CAMK2G: variants seen among roughly 807,000 people sequenced by gnomAD.
CAMK2G encodes the protein calcium/calmodulin-dependent protein kinase type II subunit gamma.
Under a neutral mutation model 88.7 loss-of-function variants are expected in CAMK2G, and 23 were observed. That is an observed-to-expected ratio of 0.26 (90% CI 0.19 to 0.37). The LOEUF is 0.37. Among genes scored for constraint, CAMK2G ranks in the 10% least tolerant of loss-of-function variants. The probability of loss-of-function intolerance (pLI) is 1.00; values close to 1 mark genes in which losing one functional copy is unlikely to be tolerated. For missense variants in CAMK2G, 476 were observed against 780.8 expected, an observed-to-expected ratio of 0.61 and a Z score of 4.65; for synonymous variants, 263 against 294.8, an observed-to-expected ratio of 0.89 and a Z score of 1.11.
chr10:73,835,555 T>C (rs1264549037), intron 14 of CAMK2G, among the ~76,000 whole-genome samples: 1 of 151,582 alleles, frequency 6.6e-6, no homozygotes, highest in Non-Finnish European at 1.5e-5. Flanking sequence ...CATCCCAAAA[T>C]GCTGGGATTA....
intron 14 of CAMK2G, chr10:73,837,128 A>G: frequency 3.4e-6 from 1 of 295,596 alleles, no homozygotes; most frequent in South Asian, 4.9e-5. Context: ...TCTAAAAAGG[A>G]AAAAAAGAAA....
chr10:73,841,691 G>T lies in CAMK2G; in HGVS notation c.946+478C>A, dbSNP rs150643943. On this transcript the variant is annotated intron_variant, in intron 12 of 22. Coordinates refer to ENST00000423381, the MANE Select transcript of CAMK2G (RefSeq NM_001367534.1). Reference sequence around the variant, plus strand: ...TTTTAAGCACAAGTCGCCACAAAAGGTTTAAACATCTGGAATAATTTCTAT... The same window carrying T: ...TTTTAAGCACAAGTCGCCACAAAAGTTTTAAACATCTGGAATAATTTCTAT... 55 of 161,652 alleles carry T rather than the reference G, an allele frequency of 3.4e-4. No homozygotes were observed. In the East Asian group the frequency reaches 8.9e-3, roughly 26 times the overall value. The allele number at this position is 161,652 out of a possible 1,614,324, so 10.0% of individuals were successfully genotyped here. A position where few individuals can be genotyped will look rare whatever the true frequency, so the allele number is the denominator to read the frequency against.
rs1259687452 is a variant in CAMK2G at position 73,817,217 on chromosome 10, TG to T, written c.1440-101del. The T allele has an allele frequency of 5.4e-6, 8 of 1,485,848 alleles. No individual in the cohort carries two copies. The Admixed American group carries it at 1.9e-4, about 35-fold the overall frequency. The allele number at this position is 1,485,848 out of a possible 1,614,324, so 92.0% of individuals were successfully genotyped here. A position where few individuals can be genotyped will look rare whatever the true frequency, so the allele number is the denominator to read the frequency against. ...CTATCCAGTAGCAGCAGGCTACCTGTGGCCATGCCAGACAAGACAGCAAAGA... is the reference window on the plus strand; with the variant it reads ...CTATCCAGTAGCAGCAGGCTACCTGTGCCATGCCAGACAAGACAGCAAAGA... On this transcript the variant is annotated intron_variant, in intron 20 of 22. Transcript: ENST00000423381.
chr10:73,815,892 T>C (rs1391547592), intron 21 of CAMK2G: 2 of 985,382 alleles, frequency 2.0e-6, no homozygotes, highest in East Asian at 1.1e-4. Flanking sequence ...GTTGCTTTTA[T>C]TGAGATTCAC....
At chr10:73,834,952 A>G (rs1266814288) in intron 14 of CAMK2G, among the ~76,000 whole-genome samples, 1 of 152,206 alleles carries the variant, frequency 6.6e-6, no homozygotes, top group Non-Finnish European at 1.5e-5. Flanking sequence ...CTTCAGCCAT[A>G]AAGAAGATAC....
intron 15 of CAMK2G, among the ~76,000 whole-genome samples, chr10:73,826,389 C>T (rs1407553657): frequency 1.3e-5 from 2 of 152,078 alleles, no homozygotes; most frequent in African/African-American, 4.8e-5. Context: ...GCCAAGATTG[C>T]ACCACTGCAC....
chr10:73,832,809 G>A (rs1430345014), intron 14 of CAMK2G, among the ~76,000 whole-genome samples: 1 of 151,822 alleles, frequency 6.6e-6, no homozygotes, highest in African/African-American at 2.4e-5. Flanking sequence ...TAAGAGTTGG[G>A]GGTCTCACTA....
chr10:73,824,948 C>T (rs575298841), intron 16 of CAMK2G, among the ~76,000 whole-genome samples: 13 of 152,340 alleles, frequency 8.5e-5, no homozygotes, highest in East Asian at 7.7e-4. Flanking sequence ...CCTCTCCTTT[C>T]CTAAGCAACT....
chr10:73,841,781 A>G, intron 12 of CAMK2G: 1 of 182,538 alleles, frequency 5.5e-6, no homozygotes, highest in Admixed American at 5.6e-5. Flanking sequence ...AATGGTGGCA[A>G]TTTGGCAATT....
intron 10 of CAMK2G, among the ~76,000 whole-genome samples, chr10:73,843,357 T>C (rs2093963115): frequency 6.6e-6 from 1 of 152,200 alleles, no homozygotes; most frequent in African/African-American, 2.4e-5. Flanking sequence ...TGAGCCACTG[T>C]GCCCCGCCTT....
intron 6 of CAMK2G, 52 bp from the exon 7 acceptor site, chr10:73,849,167 G>T: frequency 6.3e-7 from 1 of 1,577,054 alleles, no homozygotes; most frequent in African/African-American, 1.3e-5. Flanking sequence ...CAGCCCAGAG[G>T]AAGCCTAGTT....
intron 10 of CAMK2G, among the ~76,000 whole-genome samples, chr10:73,843,075 ATTT>A (rs11354408): frequency 2.1e-5 from 3 of 145,136 alleles, no homozygotes; most frequent in Admixed American, 6.8e-5. Context: ...TCTGGATGTA[ATTT>A]TTTTTTTTTT....
intron 3 of CAMK2G, among the ~76,000 whole-genome samples, chr10:73,859,223 G>A (rs1340458930): frequency 6.6e-6 from 1 of 152,212 alleles, no homozygotes; most frequent in Non-Finnish European, 1.5e-5. Flanking sequence ...GCCCAGGTGG[G>A]TAATGCAAAT....
At chr10:73,816,751 G>A (rs1043596872) in intron 21 of CAMK2G, 6 of 1,407,710 alleles carry the variant, frequency 4.3e-6, no homozygotes, top group South Asian at 3.7e-5. Context: ...AAGCCACCGC[G>A]CCCGGCAAGA....
chr10:73,858,900 CCAACCCATCCGTGGT>C (rs1468232020), intron 3 of CAMK2G, among the ~76,000 whole-genome samples: 23 of 152,358 alleles, frequency 1.5e-4, no homozygotes, highest in Admixed American at 1.2e-3. Flanking sequence ...CCGTCCGTGG[CCAACCCATCCGTGGT>C]CAACCCGCCC....
At chr10:73,862,490 T>A (rs1411679768) in intron 2 of CAMK2G, among the ~76,000 whole-genome samples, 1 of 152,196 alleles carries the variant, frequency 6.6e-6, no homozygotes. Context: ...AATCGCTTAC[T>A]ATGCACTGAC....
chr10:73,814,769 G>C, intron 22 of CAMK2G: 1 of 542,760 alleles, frequency 1.8e-6, no homozygotes, highest in Non-Finnish European at 3.3e-6. Context: ...TAAGGAAACA[G>C]TTTAGGGAGG....
Position 73,848,678 on chromosome 10 carries a change from T to G in CAMK2G, c.518-69A>C. On this transcript the variant is annotated intron_variant, in intron 7 of 22. Coordinates refer to ENST00000423381, the MANE Select transcript of CAMK2G (RefSeq NM_001367534.1). This position sits in a 1 kb window ranked among gnomAD's most constrained non-coding sequence, Gnocchi z 4.5. ...CTCTCGTTAAATCCACACCAGCCAT[T>G]TCCCCCAAGTCCCATCTTATTCCTG... The G allele has an allele frequency of 1.2e-6, 1 of 863,296 alleles. No homozygotes were observed. Among genetic ancestry groups the G allele is most frequent in the East Asian group, 2.6e-5 (1 of 37,894 alleles). The allele number at this position is 863,296 out of a possible 1,614,324, so 53.5% of individuals were successfully genotyped here.
rs2091500587 is a variant in CAMK2G at position 73,827,968 on chromosome 10, C to T, written c.1086+121G>A. 4 of 863,902 alleles carry T rather than the reference C, an allele frequency of 4.6e-6. No homozygotes were observed. The African/African-American group carries it at 6.6e-5, about 14-fold the overall frequency. The allele number at this position is 863,902 out of a possible 1,614,324, so 53.5% of individuals were successfully genotyped here. On this transcript the variant is annotated intron_variant, in intron 15 of 22. Coordinates refer to ENST00000423381, the MANE Select transcript of CAMK2G (RefSeq NM_001367534.1). ...TGGCAGGACAGGCCACACCTGCCCA[C>T]ACAGCACAGACATGCAGTGAGGATG...
Sources: gnomAD v4.1 joint callset for allele counts (sites outside exome capture counted in the v4.1 genomes callset) on GRCh38, gnomAD v4.1.1 for gene constraint, Gnocchi (gnomAD v3.1) non-coding constraint, MANE v1.5 for transcripts, NCBI Gene and HGNC (gene_info 2026-07-23, HGNC 2026-07-21) for gene names.